Variants in DNM2 observed in about 807,000 individuals in gnomAD.
The protein encoded by DNM2 is dynamin 2.
A neutral mutation model predicts 99.0 loss-of-function variants in DNM2; 15 were observed. That is an observed-to-expected ratio of 0.15 (90% CI 0.10 to 0.23). The LOEUF (loss-of-function observed/expected upper bound fraction) is 0.23, where lower values mean the gene tolerates loss of function less well. Ranked by LOEUF, DNM2 falls within the 10% of genes least tolerant of loss-of-function variation. The pLI is 1.00. For synonymous variants in DNM2, 525 were observed against 481.2 expected (o/e 1.09, Z -1.19); for missense variants, 742 against 1,189.4 (o/e 0.62, Z 5.53).
rs756756876 is a variant in DNM2, at chr19:10,820,816, A to C, written c.1781+727A>C. ...CGTGGATGGTATTTCAAGGAACGAA[A>C]CCAGATGAGCTCCCAGGAGAGTGAA... is the stretch of plus-strand genomic sequence containing the variant. On this transcript the variant is annotated intron_variant, in intron 16 of 20. Transcript: ENST00000389253. The surrounding 1 kb of genome is among the most constrained non-coding windows in gnomAD (Gnocchi z 4.3). Among the ~76,000 whole-genome samples the C allele has an allele frequency of 4.6e-5, 7 of 152,200 alleles. No homozygotes were observed. Among genetic ancestry groups the C allele is most frequent in the Non-Finnish European group, 7.4e-5 (5 of 68,020 alleles).
chr19:10,759,686 G>A (rs2070550582), intron 1 of DNM2, 52 bp from the exon 2 acceptor site: 15 of 1,610,224 alleles, frequency 9.3e-6, no homozygotes, highest in East Asian at 2.2e-5. Flanking sequence ...CACACTTCCT[G>A]CCCCTCGATC....
At chr19:10,756,841 G>C (rs4804525) in intron 1 of DNM2, among the ~76,000 whole-genome samples, 103,464 of 151,858 alleles carry the variant, frequency 0.68, 35,911 homozygotes, top group East Asian at 0.81. Flanking sequence ...CTGTCCACTG[G>C]CCTCCGTACC....
intron 1 of DNM2, among the ~76,000 whole-genome samples, chr19:10,723,686 C>A (rs978260153): frequency 1.3e-5 from 2 of 152,186 alleles, no homozygotes; most frequent in African/African-American, 4.8e-5. Context: ...AGGTGTTGTT[C>A]GTTCATTAAA....
chr19:10,812,618 C>T lies in DNM2; in HGVS notation c.1671+241C>T, dbSNP rs1296036951. On this transcript the variant is annotated intron_variant, in intron 15 of 20. Coordinates refer to ENST00000389253, the MANE Select transcript of DNM2 (RefSeq NM_001005361.3). The surrounding 1 kb of genome is among the most constrained non-coding windows in gnomAD (Gnocchi z 4.0). The stretch of plus-strand genomic sequence containing the variant: ...CCTGGCCAACATGATGAAACCCCGT[C>T]TCTACTAAAATTGCAAAAATTAGCC... Among the ~76,000 whole-genome samples, 1 of 152,122 alleles carries T rather than the reference C, an allele frequency of 6.6e-6. No individual in the cohort carries two copies. Among genetic ancestry groups the T allele is most frequent in the East Asian group, 1.9e-4 (1 of 5,190 alleles).
At chr19:10,781,242 G>C (rs4456622) in intron 5 of DNM2, 142,933 of 152,296 alleles carry the variant, frequency 0.94, 67,308 homozygotes, top group East Asian at 1. Flanking sequence ...ACTGGCCCCT[G>C]CTGTTTCCTT....
chr19:10,789,478 C>A (rs1356648217), intron 7 of DNM2, among the ~76,000 whole-genome samples: 6 of 151,762 alleles, frequency 4.0e-5, no homozygotes, highest in Non-Finnish European at 8.8e-5. Flanking sequence ...TTGCTTAAAG[C>A]CAGGAGTTTG....
intron 1 of DNM2, among the ~76,000 whole-genome samples, chr19:10,752,002 C>T (rs377244878): frequency 3.0e-4 from 46 of 152,278 alleles, no homozygotes; most frequent in African/African-American, 1.0e-3. Flanking sequence ...CCCCATTGGC[C>T]GGGGTCGGGT....
intron 16 of DNM2, among the ~76,000 whole-genome samples, chr19:10,821,549 T>C (rs1338291305): frequency 6.6e-6 from 1 of 151,836 alleles, no homozygotes; most frequent in Non-Finnish European, 1.5e-5. Context: ...ACTTTTTTTT[T>C]AAACGGAGTT....
chr19:10,733,810 C>T (rs1323642390), intron 1 of DNM2, among the ~76,000 whole-genome samples: 1 of 151,750 alleles, frequency 6.6e-6, no homozygotes, highest in African/African-American at 2.4e-5. Flanking sequence ...AGTTCAAGAC[C>T]AGCCTGGCCA....
At chr19:10,735,107 G>A (rs530528971) in intron 1 of DNM2, among the ~76,000 whole-genome samples, 4 of 152,132 alleles carry the variant, frequency 2.6e-5, no homozygotes, top group Admixed American at 6.6e-5. Flanking sequence ...GCAGCGGCGC[G>A]ATCTCAGCTC....
chr19:10,784,819 A>AGTTT (rs2071499896), intron 6 of DNM2, among the ~76,000 whole-genome samples: 2 of 99,464 alleles, frequency 2.0e-5, no homozygotes, highest in Non-Finnish European at 3.7e-5. Context: ...TTTTTTGATG[A>AGTTT]TTTTTTTTTT....
chr19:10,821,240 C>T (rs962685383), intron 16 of DNM2, among the ~76,000 whole-genome samples: 45 of 152,286 alleles, frequency 3.0e-4, no homozygotes, highest in Admixed American at 2.9e-3. Flanking sequence ...TGCCCCTGGC[C>T]ATATGACACC....
chr19:10,721,197 C>T lies in DNM2; in HGVS notation c.161+2794C>T, dbSNP rs1014069818. Among the ~76,000 whole-genome samples, 4 of 152,012 alleles carry T rather than the reference C, an allele frequency of 2.6e-5. No individual in the cohort carries two copies. In the East Asian group the frequency reaches 5.8e-4, roughly 22 times the overall value. ...TTTTACACCGAGTCTCACTCTGTTC[C>T]CCAGGCTGGAGTGCAGTGGTGTTAT... On this transcript the variant is annotated intron_variant, in intron 1 of 20. Coordinates refer to ENST00000389253, the MANE Select transcript of DNM2 (RefSeq NM_001005361.3).
At chr19:10,755,787 C>G (rs2070362318) in intron 1 of DNM2, among the ~76,000 whole-genome samples, 1 of 152,074 alleles carries the variant, frequency 6.6e-6, no homozygotes, top group African/African-American at 2.4e-5. Flanking sequence ...TCTTAGCCTC[C>G]CGAGTGGCTG....
At chr19:10,732,900 T>G (rs1283066817) in intron 1 of DNM2, among the ~76,000 whole-genome samples, 2 of 151,878 alleles carry the variant, frequency 1.3e-5, no homozygotes, top group Non-Finnish European at 2.9e-5. Flanking sequence ...TTTTTTCTTT[T>G]GAGACAAAGT....
intron 1 of DNM2, among the ~76,000 whole-genome samples, chr19:10,756,707 T>G (rs1241576937): frequency 6.6e-6 from 1 of 152,088 alleles, no homozygotes; most frequent in Non-Finnish European, 1.5e-5. Flanking sequence ...CCCAGAGCCT[T>G]GCAAGTGTCT....
intron 12 of DNM2, 134 bp downstream of exon 12, chr19:10,802,492 G>T: frequency 2.1e-6 from 2 of 965,236 alleles, no homozygotes; most frequent in Non-Finnish European, 3.3e-6. Context: ...GGTGAAGGCA[G>T]AGCCAACTGA....
chr19:10,720,141 G>T (rs1377947795), intron 1 of DNM2, among the ~76,000 whole-genome samples: 1 of 152,030 alleles, frequency 6.6e-6, no homozygotes, highest in East Asian at 1.9e-4. Flanking sequence ...TTGTGACCTT[G>T]CACAGGTTGT....
intron 14 of DNM2, 182 bp downstream of exon 14, chr19:10,808,762 C>T (rs1317879914): frequency 9.7e-6 from 6 of 618,366 alleles, no homozygotes; most frequent in African/African-American, 1.9e-5. Flanking sequence ...GGGTATAAGT[C>T]GACTCACACA....
Sources: allele counts gnomAD v4.1 joint callset (sites outside exome capture counted in the v4.1 genomes callset), GRCh38; gene constraint gnomAD v4.1.1; non-coding constraint Gnocchi (gnomAD v3.1); transcripts MANE v1.5; gene names NCBI Gene and HGNC (gene_info 2026-07-23, HGNC 2026-07-21).